Variants in CFAP92 observed in about 807,000 individuals in gnomAD.
The protein encoded by CFAP92 is uncharacterized protein CFAP92.
CFAP92 carries 86 observed loss-of-function variants against 106.3 expected under a neutral mutation model. The ratio of observed to expected loss-of-function variants is 0.81; its 90% CI spans 0.68 to 0.97. The LOEUF (loss-of-function observed/expected upper bound fraction) is 0.97. Ranked by LOEUF, CFAP92 falls within the 50% of genes least tolerant of loss-of-function variation. The pLI is 0.00. For missense variants in CFAP92, 1,204 were observed against 1,283.8 expected (o/e 0.94, Z 0.95); for synonymous variants, 477 against 506.4 (o/e 0.94, Z 0.78).
At position 128,945,064 on chromosome 3, in the gene CFAP92, C is replaced by A; in HGVS notation, c.2258+7G>T. 6.7e-7 allele frequency: 1 copy of A among 1,502,668 alleles called. No homozygotes were observed. The highest frequency in any genetic ancestry group is 1.3e-5 in the South Asian group (1 of 79,550). The allele number at this position is 1,502,668 out of a possible 1,614,324, so 93.1% of individuals were successfully genotyped here. ...TTTTTATGTAAAATGTAAAACAAAC[C>A]ACCTACCAGCTTTGGTGGTTCTCCC... is the stretch of plus-strand genomic sequence containing the variant. On this transcript the variant is annotated splice_region_variant and intron_variant, in intron 10 of 15. Coordinates refer to ENST00000645291, the MANE Select transcript of CFAP92 (RefSeq NM_001394090.1).
chr3:128,910,355 G>A (rs774669543), intron 15 of CFAP92, 22 bp from the exon 16 acceptor site: 2 of 1,466,586 alleles, frequency 1.4e-6, no homozygotes, highest in Non-Finnish European at 1.8e-6. Context: ...GGGGGTGAGT[G>A]ACAGGGGTTC....
At chr3:128,958,564 T>C (rs1415887985) in intron 9 of CFAP92, among the ~76,000 whole-genome samples, 3 of 152,186 alleles carry the variant, frequency 2.0e-5, no homozygotes, top group Non-Finnish European at 4.4e-5. Context: ...AAGTATGACA[T>C]ATGTATATGG....
intron 10 of CFAP92, among the ~76,000 whole-genome samples, chr3:128,936,905 T>C (rs138248384): frequency 6.6e-6 from 1 of 152,326 alleles, no homozygotes; most frequent in African/African-American, 2.4e-5. Context: ...AAGTTACTTT[T>C]AACGTTGCCA....
chr3:128,915,241 A>G lies in CFAP92; in HGVS notation c.3158T>C (p.Leu1053Pro), dbSNP rs1475806523. 1 of 1,536,184 alleles carries G rather than the reference A, an allele frequency of 6.5e-7. No individual in the cohort carries two copies. The highest frequency in any genetic ancestry group is 2.0e-5 in the Admixed American group (1 of 51,012). Residue 1053 changes from leucine to proline, a missense_variant, in exon 15 of 16, where the codon CTG (leucine) becomes CCG (proline). Leu to Pro is a moderately conservative substitution (Grantham distance 98). Transcript: ENST00000645291. ...WKENSLFANV[L>P]EPVLDRDRWS... is the part of the protein sequence containing the mutation. ...CCTGTCTCGATCCAACACAGGCTCC[A>G]GTACATTAGCAAACAGGGAGTTTTC...
chr3:129,018,183 G>A, the CFAP92 span, among the ~76,000 whole-genome samples: 1 of 152,286 alleles, frequency 6.6e-6, no homozygotes. Context: ...GAGTAAAGAT[G>A]AGACCTCAGT....
chr3:128,994,473 T>C (rs1206523431), upstream of CFAP92, among the ~76,000 whole-genome samples: 1 of 151,098 alleles, frequency 6.6e-6, no homozygotes, highest in East Asian at 1.9e-4. Flanking sequence ...TCTCATTAGA[T>C]TCTCTGCTTC....
chr3:128,970,373 T>C (rs1412027495), intron 8 of CFAP92: 1 of 151,218 alleles, frequency 6.6e-6, no homozygotes, highest in Admixed American at 6.6e-5. Flanking sequence ...ACTTACGGGG[T>C]TTTTGCCCCC....
intron 6 of CFAP92, among the ~76,000 whole-genome samples, 178 bp downstream of exon 6, chr3:128,976,801 C>G (rs1022659594): frequency 1.3e-5 from 2 of 152,154 alleles, no homozygotes; most frequent in African/African-American, 4.8e-5. Context: ...ATGCAGAAAG[C>G]TTGATGTGCA....
rs1248441568 is a variant in CFAP92, at chr3:128,993,551, G to A, written c.-32-215C>T. Reference sequence around the variant, plus strand: ...GAAGGAACAACAGATAAGGGTGGCTGGCAGTAAGCACGACGACGAGCAACC... The same window carrying A: ...GAAGGAACAACAGATAAGGGTGGCTAGCAGTAAGCACGACGACGAGCAACC... On this transcript the variant is annotated intron_variant, in intron 1 of 15. Coordinates refer to ENST00000645291, the MANE Select transcript of CFAP92 (RefSeq NM_001394090.1). 4 of 565,998 alleles carry A rather than the reference G, an allele frequency of 7.1e-6. No homozygotes were observed. The Admixed American group carries it at 1.2e-4, about 17-fold the overall frequency. 35.1% of individuals were successfully genotyped at this position (565,998 alleles called of 1,614,324 possible).
intron 9 of CFAP92, among the ~76,000 whole-genome samples, chr3:128,951,663 A>C (rs1940820734): frequency 6.6e-6 from 1 of 152,212 alleles, no homozygotes; most frequent in Non-Finnish European, 1.5e-5. Context: ...GACCCCAAGA[A>C]AAGTCTGCTT....
chr3:128,974,568 C>T (rs576229624), intron 7 of CFAP92, among the ~76,000 whole-genome samples: 4 of 151,946 alleles, frequency 2.6e-5, no homozygotes, highest in South Asian at 4.2e-4. Context: ...CGCTTGTAAT[C>T]CCAGCACTTT....
At chr3:128,976,919 A>C in intron 6 of CFAP92, 60 bp downstream of exon 6, 1 of 1,304,780 alleles carries the variant, frequency 7.7e-7, no homozygotes, top group Non-Finnish European at 1.1e-6. Flanking sequence ...CACGACTCAT[A>C]GTAGGGCTAG....
intron 10 of CFAP92, among the ~76,000 whole-genome samples, chr3:128,938,155 T>TG (rs966555726): frequency 1.3e-5 from 2 of 149,674 alleles, no homozygotes; most frequent in East Asian, 2.0e-4. Flanking sequence ...TTGCTTGAGG[T>TG]GGGGGGGTCA....
At chr3:128,966,738 T>C (rs190232017) in intron 8 of CFAP92, 2 of 152,222 alleles carry the variant, frequency 1.3e-5, no homozygotes, top group East Asian at 3.9e-4. Flanking sequence ...GCCTGGCTAA[T>C]TTTTTGTATT....
the CFAP92 span, among the ~76,000 whole-genome samples, chr3:129,019,764 CTT>C: frequency 6.5e-5 from 7 of 107,426 alleles, no homozygotes; most frequent in East Asian, 3.0e-4. Flanking sequence ...ATTAAATTTA[CTT>C]TTTTTTTTTT....
In CFAP92 at chr3:128,927,904, T is replaced by C. The variant is rs140425296; in HGVS notation, c.2751+4796A>G. 3.9e-5 allele frequency among the ~76,000 whole-genome samples: 6 copies of C among 152,232 alleles called. No homozygotes were observed. In the East Asian group the frequency reaches 1.2e-3, roughly 29 times the overall value. ...GCAGAGACATTCCATGTTCATAAAT[T>C]GGCAACCCCAAAATTGTTAAGTTTG... On this transcript the variant is annotated intron_variant, in intron 12 of 15. Transcript: ENST00000645291.
chr3:128,943,430 G>C (rs111340972), intron 10 of CFAP92, among the ~76,000 whole-genome samples: 340 of 152,258 alleles, frequency 2.2e-3, no homozygotes, highest in Admixed American at 3.3e-3. Context: ...TGCCGGTTCG[G>C]GACATTTCAC....
intron 12 of CFAP92, among the ~76,000 whole-genome samples, chr3:128,927,537 T>C (rs1463833195): frequency 6.6e-6 from 1 of 151,820 alleles, no homozygotes; most frequent in Non-Finnish European, 1.5e-5. Flanking sequence ...CTGGCTAACA[T>C]GGTGAAACCC....
Position 128,988,874 on chromosome 3 carries a change from G to GT in CFAP92, c.306dup (p.His103ThrfsTer3). The GT allele has an allele frequency of 1.2e-6, 2 of 1,613,604 alleles. No homozygotes were observed. Among genetic ancestry groups the GT allele is most frequent in the Non-Finnish European group, 1.7e-6 (2 of 1,179,634 alleles). On this transcript the variant is annotated frameshift_variant, in exon 3 of 16. Coordinates refer to ENST00000645291, the MANE Select transcript of CFAP92 (RefSeq NM_001394090.1). LOFTEE classifies it high-confidence loss of function. ...GTAACAGAACTGTCTGTTTTAGGGTGTTTCTTATATTTTTCAATCAAACTT... is the reference window on the plus strand; with the variant it reads ...GTAACAGAACTGTCTGTTTTAGGGTGTTTTCTTATATTTTTCAATCAAACTT...
Sources: gnomAD v4.1 joint callset for allele counts (sites outside exome capture counted in the v4.1 genomes callset) on GRCh38, gnomAD v4.1.1 for gene constraint, MANE v1.5 for transcripts, NCBI Gene and HGNC (gene_info 2026-07-23, HGNC 2026-07-21) for gene names.